Variants in ADGRD2 observed in about 807,000 individuals in gnomAD.
ADGRD2 encodes the protein G protein-coupled receptor PGR24.
ADGRD2 carries 71 observed loss-of-function variants against 44.4 expected under a neutral mutation model. The observed-to-expected ratio is 1.60, with a 90% CI of 1.32 to 1.95. ADGRD2 has a LOEUF of 1.95. Ranked by LOEUF, ADGRD2 falls within the 30% of genes most tolerant of loss-of-function variation. The pLI, the probability that ADGRD2 is intolerant of heterozygous loss-of-function variation, is 0.00. For missense variants in ADGRD2, 1,039 were observed against 512.4 expected (o/e 2.03, Z -9.92); for synonymous variants, 481 against 224.8 (o/e 2.14, Z -10.19).
At chr9:124,459,552 G>A (rs76576788) in intron 10 of ADGRD2, among the ~76,000 whole-genome samples, 2,202 of 151,896 alleles carry the variant, frequency 0.014, 55 homozygotes, top group African/African-American at 0.05. Context: ...GGAGGGTTTC[G>A]CCACCAAGGA....
At chr9:124,472,910 CGGTGA>C (rs1831979259) in intron 17 of ADGRD2, among the ~76,000 whole-genome samples, 1 of 152,234 alleles carries the variant, frequency 6.6e-6, no homozygotes, top group African/African-American at 2.4e-5. Flanking sequence ...GACGGTCACC[CGGTGA>C]AGGCAAGGAG....
exon 20 of ADGRD2, chr9:124,476,357 G>C: frequency 1.4e-6 from 1 of 698,254 alleles, no homozygotes; most frequent in South Asian, 1.5e-5. Context: ...TCCTCCCTAG[G>C]GACCTATGGC....
At chr9:124,451,464 C>A (rs987306557), upstream of ADGRD2, 2 of 350,420 alleles carry the variant, frequency 5.7e-6, no homozygotes, top group Admixed American at 3.8e-5. Flanking sequence ...AGGTGGGCCA[C>A]CCCATCCTGG....
chr9:124,458,128 C>G lies in ADGRD2; in HGVS notation c.1658C>G (p.Thr553Ser), dbSNP rs768032724. Residue 553 changes from threonine (T) to serine (S), a missense_variant, in exon 9 of 22, where the codon ACC (threonine) becomes AGC (serine). Thr to Ser is a moderately conservative substitution (Grantham distance 58). Transcript: ENST00000334810. ...TCTCAGCCAGGCCTCTCTGGAGTCA[C>G]CGTGATCCACAGCTGGTTCACCTCC... is the stretch of plus-strand genomic sequence containing the variant. The G allele has an allele frequency of 7.0e-6, 5 of 718,522 alleles. No homozygotes were observed. The South Asian group carries it at 7.4e-5, about 11-fold the overall frequency. The allele number at this position is 718,522 out of a possible 1,614,324, so 44.5% of individuals were successfully genotyped here.
chr9:124,458,641 G>T (rs1215894381), exon 10 of ADGRD2: 4 of 718,830 alleles, frequency 5.6e-6, no homozygotes, highest in Non-Finnish European at 5.2e-6. Context: ...GGTGGGGTCA[G>T]CCATCATCTC....
Position 124,457,645 on chromosome 9 carries a change from T to C in ADGRD2, c.1640+39T>C, listed in dbSNP as rs571190870. The C allele has an allele frequency of 1.2e-3, 707 of 567,124 alleles. 1 individual carries two copies. The highest frequency in any genetic ancestry group is 1.8e-3 in the Non-Finnish European group (571 of 313,406). 35.1% of individuals were successfully genotyped at this position (567,124 alleles called of 1,614,324 possible). A position where few individuals can be genotyped will look rare whatever the true frequency, so the allele number is the denominator to read the frequency against. ...AGGGGGTGTCCAGAGCCCTGTTGGG[T>C]TCTGGGTCAAACCTCAGCTCTAACT... On this transcript the variant is annotated intron_variant, in intron 8 of 21. Coordinates refer to ENST00000334810, the Ensembl canonical transcript of ADGRD2.
chr9:124,461,080 A>T (rs1831715940), intron 10 of ADGRD2, among the ~76,000 whole-genome samples: 1 of 152,208 alleles, frequency 6.6e-6, no homozygotes, highest in African/African-American at 2.4e-5. Context: ...TTATACACTT[A>T]TTAAGCAGTC....
At chr9:124,456,134 A>T (rs1463946788) in intron 6 of ADGRD2, among the ~76,000 whole-genome samples, 1 of 152,170 alleles carries the variant, frequency 6.6e-6, no homozygotes, top group Non-Finnish European at 1.5e-5. Flanking sequence ...TTCCCTGGGG[A>T]ATAGGGATGA....
intron 10 of ADGRD2, among the ~76,000 whole-genome samples, chr9:124,460,481 G>A (rs1436990781): frequency 6.6e-6 from 1 of 150,922 alleles, no homozygotes; most frequent in Non-Finnish European, 1.5e-5. Context: ...GCCTCCCAAA[G>A]TGCTGGGATT....
intron 10 of ADGRD2, among the ~76,000 whole-genome samples, chr9:124,460,233 A>C: frequency 2.2e-5 from 3 of 137,770 alleles, no homozygotes; most frequent in African/African-American, 5.5e-5. Context: ...ACTGAGTCTC[A>C]CTCTGTCACC....
chr9:124,471,729 A>G (rs1831947845), intron 17 of ADGRD2, among the ~76,000 whole-genome samples: 1 of 152,038 alleles, frequency 6.6e-6, no homozygotes, highest in Admixed American at 6.5e-5. Context: ...TCATTCATCC[A>G]TGTGCTCTTC....
At chr9:124,474,385 T>C (rs1168541345) in intron 17 of ADGRD2, among the ~76,000 whole-genome samples, 2 of 151,678 alleles carry the variant, frequency 1.3e-5, no homozygotes, top group Non-Finnish European at 1.5e-5. Context: ...TTTGGAAAGA[T>C]GCCTTTGGGT....
chr9:124,467,458 C>T (rs540511228), intron 11 of ADGRD2: 9 of 465,454 alleles, frequency 1.9e-5, no homozygotes, highest in East Asian at 1.8e-4. Context: ...CCCGTGGGCA[C>T]GTTTGTCAGC....
chr9:124,475,834 G>A (rs1169893614), intron 19 of ADGRD2, among the ~76,000 whole-genome samples: 2 of 152,166 alleles, frequency 1.3e-5, no homozygotes, highest in African/African-American at 4.8e-5. Context: ...CCAGGTGGGA[G>A]TGCCGCCCAG....
intron 17 of ADGRD2, among the ~76,000 whole-genome samples, chr9:124,474,976 C>T (rs969282361): frequency 4.6e-5 from 7 of 152,228 alleles, no homozygotes; most frequent in African/African-American, 1.7e-4. Context: ...GGCCTCATCT[C>T]CCCTTTCCAG....
chr9:124,474,583 C>A (rs1195816676), intron 17 of ADGRD2, among the ~76,000 whole-genome samples: 3 of 152,124 alleles, frequency 2.0e-5, no homozygotes, highest in Non-Finnish European at 4.4e-5. Context: ...AGCTTTCAGC[C>A]CTGGGAGGCT....
At chr9:124,470,248 G>A (rs1388846139) in intron 16 of ADGRD2, among the ~76,000 whole-genome samples, 2 of 152,190 alleles carry the variant, frequency 1.3e-5, no homozygotes, top group East Asian at 3.8e-4. Flanking sequence ...TTCCAGCCAG[G>A]TTGGGGGCTG....
exon 3 of ADGRD2, chr9:124,453,243 G>C: frequency 1.8e-6 from 1 of 564,834 alleles, no homozygotes. Flanking sequence ...CCGAGCCGGG[G>C]GGCGTCGTGC....
At chr9:124,461,512 C>T (rs145521727) in intron 10 of ADGRD2, among the ~76,000 whole-genome samples, 3 of 152,148 alleles carry the variant, frequency 2.0e-5, no homozygotes, top group African/African-American at 4.8e-5. Flanking sequence ...CAACCAGTTC[C>T]AATACTATTT....
Sources: gnomAD v4.1 joint callset for allele counts (sites outside exome capture counted in the v4.1 genomes callset) on GRCh38, gnomAD v4.1.1 for gene constraint, MANE v1.5 for transcripts, NCBI Gene and HGNC (gene_info 2026-07-23, HGNC 2026-07-21) for gene names.